Variants in TDRD5 observed in about 807,000 individuals in gnomAD.
TDRD5 encodes the protein tudor domain-containing protein 5.
A neutral mutation model predicts 120.6 loss-of-function variants in TDRD5; 41 were observed. That is an observed-to-expected ratio of 0.34 (90% confidence interval 0.26 to 0.44). The LOEUF is 0.44. TDRD5 is among the 20% of genes least tolerant of loss of function. The probability of loss-of-function intolerance (pLI) is 1.00; values close to 1 mark genes in which losing one functional copy is unlikely to be tolerated. For synonymous variants in TDRD5, 430 were observed against 433.7 expected (o/e 0.99, Z 0.11); for missense variants, 1,006 against 1,221.2 (o/e 0.82, Z 2.63).
At chr1:179,690,124 A>G (rs1162764033) in intron 17 of TDRD5, among the ~76,000 whole-genome samples, 1 of 152,194 alleles carries the variant, frequency 6.6e-6, no homozygotes, top group African/African-American at 2.4e-5. Context: ...AAATGCAGAA[A>G]TCACCCATCT....
In TDRD5 at chr1:179,641,737, A is replaced by G. The variant is rs143155378; in HGVS notation, c.1800+1292A>G. On this transcript the variant is annotated intron_variant, in intron 11 of 17. Coordinates refer to ENST00000444136, the MANE Select transcript of TDRD5 (RefSeq NM_001199085.3). The stretch of plus-strand genomic sequence containing the variant: ...CTGCTCTTTTGCTTAGCATTATAGC[A>G]TAAGTACTTTTATATGTTATTAAGT... 9.8e-3 allele frequency among the ~76,000 whole-genome samples: 1,493 copies of G among 152,292 alleles called. 29 individuals are homozygous for G. The highest frequency in any genetic ancestry group is 0.034 in the African/African-American group (1,400 of 41,534).
At position 179,662,146 on chromosome 1, in the gene TDRD5, A is replaced by C; in HGVS notation, c.2365A>C (p.Ile789Leu). 6.2e-7 allele frequency: 1 copy of C among 1,607,536 alleles called. No homozygotes were observed. Among genetic ancestry groups the C allele is most frequent in the Non-Finnish European group, 8.5e-7 (1 of 1,177,622 alleles). The change falls in exon 15 of 18, where the codon ATA becomes CTA. Residue 789 changes from isoleucine (I) to leucine (L), a missense_variant. Physicochemically the swap from Ile to Leu is conservative, Grantham distance 5. This residue lies in a region of TDRD5 where 403 missense variants were observed against 448.1 expected (regional missense o/e 0.90). Transcript: ENST00000444136. ...TGMPCLESVT[I>L]GDDIWDENWL... ...AATGCCATGCCTGGAGTCAGTGACC[A>C]TAGGTGATGATATTTGGGATGAGAA...
chr1:179,612,222 T>A (rs1031185001), intron 4 of TDRD5, among the ~76,000 whole-genome samples: 2 of 152,218 alleles, frequency 1.3e-5, no homozygotes, highest in Non-Finnish European at 2.9e-5. Context: ...AAGTTTTTCC[T>A]TTGTAAAATG....
chr1:179,648,456 G>A lies in TDRD5; in HGVS notation c.1801-2411G>A, dbSNP rs10047184. On this transcript the variant is annotated intron_variant, in intron 11 of 17. Transcript: ENST00000444136. ...ACTCTGGGGACTGTTGTGGGGTGGG[G>A]GGGGGGAGGGATAGCATTGGGAGAT... Among the ~76,000 whole-genome samples, 749 of 75,826 alleles carry A rather than the reference G, an allele frequency of 9.9e-3. 36 individuals are homozygous for A. The highest frequency in any genetic ancestry group is 0.03 in the African/African-American group (689 of 23,182). The allele number at this position is 75,826 out of a possible 152,430, so 49.7% of individuals were successfully genotyped here. A position where few individuals can be genotyped will look rare whatever the true frequency, so the allele number is the denominator to read the frequency against.
intron 4 of TDRD5, among the ~76,000 whole-genome samples, chr1:179,603,407 T>C (rs1394947833): frequency 2.6e-5 from 4 of 152,194 alleles, no homozygotes. Context: ...GGACTTTCAG[T>C]ACTATGTTGA....
chr1:179,599,552 T>C (rs1675586915), intron 4 of TDRD5, among the ~76,000 whole-genome samples: 1 of 151,870 alleles, frequency 6.6e-6, no homozygotes. Flanking sequence ...TTTTTTTAAA[T>C]GAGCCTTGGT....
chr1:179,648,690 A>C (rs116648798), intron 11 of TDRD5, among the ~76,000 whole-genome samples: 168 of 152,172 alleles, frequency 1.1e-3, no homozygotes, highest in Non-Finnish European at 2.1e-3. Context: ...TTTTTAGTCA[A>C]ACTTCCTACT....
rs1488395294 is a variant in TDRD5 at position 179,691,156 on chromosome 1, T to G, written c.*213T>G. On this transcript the variant is annotated 3_prime_UTR_variant, in exon 18 of 18. Transcript: ENST00000444136. ...ACTGTTAATCTTGATTTTTCTTGAT[T>G]TTATTCTGTGTCATTTTGTTCACCT... The G allele has an allele frequency of 1.8e-6, 1 of 562,022 alleles. No individual in the cohort carries two copies. The highest frequency in any genetic ancestry group is 1.9e-5 in the African/African-American group (1 of 53,110). The allele number at this position is 562,022 out of a possible 1,614,324, so 34.8% of individuals were successfully genotyped here.
intron 6 of TDRD5, among the ~76,000 whole-genome samples, chr1:179,622,702 G>GAAATTATCC (rs1676904745): frequency 6.6e-6 from 1 of 152,084 alleles, no homozygotes; most frequent in Non-Finnish European, 1.5e-5. Flanking sequence ...CAGATCAATA[G>GAAATTATCC]AAATTATCCA....
At chr1:179,619,864 C>T (rs1676756357) in intron 5 of TDRD5, among the ~76,000 whole-genome samples, 1 of 152,090 alleles carries the variant, frequency 6.6e-6, no homozygotes, top group African/African-American at 2.4e-5. Context: ...TAGGCATTCC[C>T]CCACTTCAGC....
At chr1:179,603,418 A>G (rs1675818798) in intron 4 of TDRD5, among the ~76,000 whole-genome samples, 1 of 152,118 alleles carries the variant, frequency 6.6e-6, no homozygotes, top group African/African-American at 2.4e-5. Context: ...ACTATGTTGA[A>G]GAGGAGTGGT....
chr1:179,685,244 T>C (rs577010142), intron 17 of TDRD5, among the ~76,000 whole-genome samples: 5 of 152,336 alleles, frequency 3.3e-5, no homozygotes, highest in African/African-American at 1.2e-4. Context: ...AGGGATCCAG[T>C]TTCAGCTTTC....
intron 16 of TDRD5, among the ~76,000 whole-genome samples, chr1:179,668,537 A>G (rs552060085): frequency 1.7e-4 from 26 of 152,288 alleles, no homozygotes; most frequent in African/African-American, 6.3e-4. Flanking sequence ...GAAGAAACAC[A>G]TGCAGATAAC....
intron 4 of TDRD5, among the ~76,000 whole-genome samples, chr1:179,611,453 T>G (rs561506935): frequency 2.0e-5 from 3 of 152,128 alleles, no homozygotes; most frequent in Non-Finnish European, 4.4e-5. Flanking sequence ...TTAGCAAACT[T>G]GGTTGTTTCA....
chr1:179,596,798 A>C (rs564296295), intron 4 of TDRD5, among the ~76,000 whole-genome samples: 1 of 152,300 alleles, frequency 6.6e-6, no homozygotes, highest in African/African-American at 2.4e-5. Context: ...TTGTATGGCC[A>C]TAGTTCATTT....
chr1:179,685,849 T>C (rs1306471915), intron 17 of TDRD5, among the ~76,000 whole-genome samples: 3 of 152,192 alleles, frequency 2.0e-5, no homozygotes, highest in Non-Finnish European at 4.4e-5. Context: ...TGTTTGTCTG[T>C]TATTGGTGTA....
At position 179,690,948 on chromosome 1, in the gene TDRD5, G is replaced by A. The variant is rs976604009; in HGVS notation, c.*5G>A. 1.6e-5 allele frequency: 26 copies of A among 1,605,468 alleles called. No homozygotes were observed. Among genetic ancestry groups the A allele is most frequent in the Non-Finnish European group, 2.1e-5 (25 of 1,174,522 alleles). On this transcript the variant is annotated 3_prime_UTR_variant, in exon 18 of 18. Transcript: ENST00000444136. ...GTGAAAAGGATGGAAGCATGAGGGAGGGAGGGAGGAGGGAGAAAAACAGAA... is the reference window on the plus strand; with the variant it reads ...GTGAAAAGGATGGAAGCATGAGGGAAGGAGGGAGGAGGGAGAAAAACAGAA...
chr1:179,651,174 T>A, intron 12 of TDRD5, 107 bp downstream of exon 12: 2 of 1,230,280 alleles, frequency 1.6e-6, no homozygotes, highest in Non-Finnish European at 2.2e-6. Context: ...TTTAACCAAT[T>A]AGAGACATCC....
chr1:179,592,894 A>G (rs1200212762), intron 2 of TDRD5, 47 bp downstream of exon 2: 2 of 1,539,308 alleles, frequency 1.3e-6, no homozygotes, highest in Non-Finnish European at 9.0e-7. Flanking sequence ...AATAAAAACA[A>G]TTGCTTAGTA....
Sources: gnomAD v4.1 joint callset for allele counts (sites outside exome capture counted in the v4.1 genomes callset) on GRCh38, gnomAD v4.1.1 for gene constraint, gnomAD v4.1.1 regional missense constraint, MANE v1.5 for transcripts, NCBI Gene and HGNC (gene_info 2026-07-23, HGNC 2026-07-21) for gene names.